PRELID2: variants seen among roughly 807,000 people sequenced by gnomAD.
PRELID2 encodes PRELI domain-containing protein 2.
In PRELID2, 25 loss-of-function variants were observed where a neutral mutation model predicts 28.4. The observed-to-expected ratio is 0.88, with a 90% CI of 0.64 to 1.23. The LOEUF (loss-of-function observed/expected upper bound fraction) is 1.23. Among genes scored for constraint, PRELID2 ranks in the 50% most tolerant of loss-of-function variants. The pLI is 0.00. For synonymous variants in PRELID2, 76 were observed against 71.6 expected, an observed-to-expected ratio of 1.06 and a Z score of -0.31; for missense variants, 201 against 214.4, an observed-to-expected ratio of 0.94 and a Z score of 0.39.
At chr5:145,806,254 G>A (rs189665074) in intron 4 of PRELID2, among the ~76,000 whole-genome samples, 5 of 151,782 alleles carry the variant, frequency 3.3e-5, no homozygotes, top group African/African-American at 9.7e-5. Flanking sequence ...TTGCATAACT[G>A]TACAAAAATA....
intron 1 of PRELID2, among the ~76,000 whole-genome samples, chr5:145,610,123 T>C (rs1439961988): frequency 6.6e-6 from 1 of 152,038 alleles, no homozygotes; most frequent in Non-Finnish European, 1.5e-5. Context: ...CCAAGGAAAT[T>C]CTCTCATTCA....
the PRELID2 span, among the ~76,000 whole-genome samples, chr5:145,457,098 G>T: frequency 6.6e-6 from 1 of 152,066 alleles, no homozygotes; most frequent in African/African-American, 2.4e-5. Flanking sequence ...TTTGGAAATG[G>T]GGGTAGTGGG....
intron 1 of PRELID2, among the ~76,000 whole-genome samples, chr5:145,653,278 T>G (rs1433038600): frequency 6.6e-6 from 1 of 152,162 alleles, no homozygotes; most frequent in Non-Finnish European, 1.5e-5. Context: ...CAAAGAGACT[T>G]AGACTCCCAC....
chr5:145,393,333 G>A, the PRELID2 span, among the ~76,000 whole-genome samples: 5 of 152,270 alleles, frequency 3.3e-5, no homozygotes, highest in Non-Finnish European at 7.3e-5. Context: ...CACTCTGTCA[G>A]GACAAGTGTC....
chr5:145,690,297 G>T (rs955782860), intron 1 of PRELID2, among the ~76,000 whole-genome samples: 1 of 152,076 alleles, frequency 6.6e-6, no homozygotes. Flanking sequence ...CTGGCGAGGG[G>T]ATCCTCTTCC....
chr5:145,439,781 G>A, the PRELID2 span, among the ~76,000 whole-genome samples: 1 of 151,838 alleles, frequency 6.6e-6, no homozygotes, highest in Non-Finnish European at 1.5e-5. Flanking sequence ...TCCTTACCTG[G>A]ATCTCCTAAC....
At chr5:145,497,062 C>T (rs971876295) in intron 1 of PRELID2, among the ~76,000 whole-genome samples, 5 of 151,732 alleles carry the variant, frequency 3.3e-5, no homozygotes, top group African/African-American at 1.2e-4. Flanking sequence ...CAGGGTCTCG[C>T]TACATTGCAC....
chr5:145,546,517 A>C (rs1752789964), intron 1 of PRELID2, among the ~76,000 whole-genome samples: 1 of 152,164 alleles, frequency 6.6e-6, no homozygotes, highest in Non-Finnish European at 1.5e-5. Context: ...CCTGAAGTAA[A>C]ATCACAGTGG....
At position 145,784,162 on chromosome 5, in the gene PRELID2, T is replaced by C. The variant is rs1277392587; in HGVS notation, c.474+12280A>G. Among the ~76,000 whole-genome samples the C allele has an allele frequency of 4.0e-5, 6 of 151,296 alleles. No individual in the cohort carries two copies. The East Asian group carries it at 1.2e-3, about 29-fold the overall frequency. ...AGCCGGGCATGGTGGTGCACACCTG[T>C]AGTCTCAGCTACTTGGGAGGTTGAG... is the stretch of plus-strand genomic sequence containing the variant. On this transcript the variant is annotated intron_variant, in intron 5 of 6. Coordinates refer to ENST00000683046, the MANE Select transcript of PRELID2 (RefSeq NM_205846.3).
intron 1 of PRELID2, among the ~76,000 whole-genome samples, chr5:145,598,298 G>A (rs1753339337): frequency 2.6e-5 from 4 of 152,232 alleles, no homozygotes; most frequent in Admixed American, 2.6e-4. Flanking sequence ...ATTTAGAGTG[G>A]AGAAAGCAGT....
the PRELID2 span, among the ~76,000 whole-genome samples, chr5:145,368,926 GT>G: frequency 6.6e-6 from 1 of 151,602 alleles, no homozygotes; most frequent in Non-Finnish European, 1.5e-5. Flanking sequence ...ATTAAGCCTA[GT>G]ACCCATTAGT....
chr5:145,403,167 C>T, the PRELID2 span, among the ~76,000 whole-genome samples: 2 of 152,158 alleles, frequency 1.3e-5, no homozygotes, highest in South Asian at 4.1e-4. Context: ...GAACCAAACT[C>T]TTCTAAGGTG....
chr5:145,522,564 G>A (rs755813680), intron 1 of PRELID2, among the ~76,000 whole-genome samples: 5 of 152,142 alleles, frequency 3.3e-5, no homozygotes, highest in Admixed American at 6.5e-5. Flanking sequence ...AAATGATGGC[G>A]TGTATGCCAG....
At chr5:145,796,686 A>T in intron 4 of PRELID2, 139 bp from the exon 5 acceptor site, 1 of 440,522 alleles carries the variant, frequency 2.3e-6, no homozygotes, top group Non-Finnish European at 4.0e-6. Flanking sequence ...TACCTATTAT[A>T]AGAAGATTTT....
At chr5:145,670,808 T>C (rs1037346447) in intron 1 of PRELID2, among the ~76,000 whole-genome samples, 1 of 152,164 alleles carries the variant, frequency 6.6e-6, no homozygotes, top group East Asian at 1.9e-4. Flanking sequence ...CTGATCTCAG[T>C]AGCTGGATCT....
the PRELID2 span, among the ~76,000 whole-genome samples, chr5:145,387,287 A>G: frequency 6.7e-6 from 1 of 148,562 alleles, no homozygotes; most frequent in African/African-American, 2.4e-5. Flanking sequence ...TTACATATGC[A>G]TAGTAGGGTA....
intron 5 of PRELID2, among the ~76,000 whole-genome samples, chr5:145,773,529 A>G (rs775556337): frequency 1.3e-5 from 2 of 152,178 alleles, no homozygotes; most frequent in Non-Finnish European, 2.9e-5. Context: ...ATAACATTTG[A>G]TCATCTGTTG....
Position 145,835,247 on chromosome 5 carries a change from C to G in PRELID2, c.5G>C (p.Gly2Ala), listed in dbSNP as rs779616012. Residue 2 changes from glycine (G) to alanine (A), a missense_variant, in exon 1 of 7, where the codon GGG (glycine) becomes GCG (alanine). By Grantham distance (60) the Gly-to-Ala change is moderately conservative. Coordinates refer to ENST00000683046, the MANE Select transcript of PRELID2 (RefSeq NM_205846.3). MGVSVDVHQVYK... is the reference protein window; with the variant it reads MAVSVDVHQVYK... The stretch of plus-strand genomic sequence containing the variant: ...CACCTGGTGCACATCCACCGAGACC[C>G]CCATCCCCGCGCGCCGCGGGCCCCG... 14 of 1,545,618 alleles carry G rather than the reference C, an allele frequency of 9.1e-6. No individual in the cohort carries two copies. In the South Asian group the frequency reaches 1.4e-4, roughly 16 times the overall value.
chr5:145,808,753 G>A (rs374538457), intron 4 of PRELID2, among the ~76,000 whole-genome samples: 178 of 152,096 alleles, frequency 1.2e-3, no homozygotes, highest in African/African-American at 3.2e-3. Context: ...AGGCATGGTA[G>A]CACACACCTA....
Sources: gnomAD v4.1 joint callset for allele counts (sites outside exome capture counted in the v4.1 genomes callset) on GRCh38, gnomAD v4.1.1 for gene constraint, MANE v1.5 for transcripts, NCBI Gene and HGNC (gene_info 2026-07-23, HGNC 2026-07-21) for gene names.